Variants in KATNAL1 observed in about 807,000 individuals in gnomAD.
KATNAL1 encodes katanin p60 ATPase-containing subunit A-like 1.
A neutral mutation model predicts 55.2 loss-of-function variants in KATNAL1; 32 were observed. That is an observed-to-expected ratio of 0.58 (90% CI 0.44 to 0.78). KATNAL1 has a LOEUF of 0.78. Ranked by LOEUF, KATNAL1 falls within the 30% of genes least tolerant of loss-of-function variation. The probability of loss-of-function intolerance (pLI) is 0.00; values close to 1 mark genes in which losing one functional copy is unlikely to be tolerated. For synonymous variants in KATNAL1, 193 were observed against 193.6 expected (o/e 1.00, Z 0.02); for missense variants, 466 against 600.9 (o/e 0.78, Z 2.35).
chr13:30,283,036 G>A (rs1343261206), intron 2 of KATNAL1, among the ~76,000 whole-genome samples: 1 of 151,478 alleles, frequency 6.6e-6, no homozygotes, highest in African/African-American at 2.4e-5. Context: ...TTGGGAGGCT[G>A]AGGTGGGTGG....
intron 3 of KATNAL1, among the ~76,000 whole-genome samples, chr13:30,270,034 G>GC (rs1408524692): frequency 0.024 from 2,580 of 106,622 alleles, 30 homozygotes; most frequent in East Asian, 0.059. Flanking sequence ...GGGGGTGTCA[G>GC]CCCCCCGCCC....
intron 1 of KATNAL1, among the ~76,000 whole-genome samples, chr13:30,304,266 CTCTTTT>C (rs1883043182): frequency 6.7e-6 from 1 of 148,810 alleles, no homozygotes; most frequent in African/African-American, 2.5e-5. Flanking sequence ...ATACACACAA[CTCTTTT>C]TTTTTTTTTT....
In KATNAL1 at chr13:30,205,786, G is replaced by GTC. The variant is rs1873068025; in HGVS notation, c.*2753_*2754insGA. 7.2e-6 allele frequency: 1 copy of GTC among 139,308 alleles called. No homozygotes were observed. Among genetic ancestry groups the GTC allele is most frequent in the East Asian group, 2.0e-4 (1 of 4,922 alleles). The allele number at this position is 139,308 out of a possible 1,614,324, so 8.6% of individuals were successfully genotyped here. Reference sequence around the variant, plus strand: ...TGTGTGTGTGTGTGTGTGTGTGTGTGTGTCTCACGCCTATAAGGCAACACA... The same window carrying GTC: ...TGTGTGTGTGTGTGTGTGTGTGTGTGTCTGTCTCACGCCTATAAGGCAACACA... On this transcript the variant is annotated 3_prime_UTR_variant, in exon 11 of 11. Coordinates refer to ENST00000380615, the MANE Select transcript of KATNAL1 (RefSeq NM_032116.5).
intron 7 of KATNAL1, among the ~76,000 whole-genome samples, chr13:30,230,807 T>C (rs1290800958): frequency 3.3e-5 from 5 of 152,192 alleles, no homozygotes; most frequent in African/African-American, 9.7e-5. Flanking sequence ...AGCTGGGTGA[T>C]AGATACATAG....
At chr13:30,249,032 C>T (rs1252113710) in intron 4 of KATNAL1, among the ~76,000 whole-genome samples, 2 of 148,948 alleles carry the variant, frequency 1.3e-5, no homozygotes, top group Non-Finnish European at 3.0e-5. Flanking sequence ...GCACTCCAGC[C>T]TGGGCAACAG....
At chr13:30,287,312 T>TC (rs1881855024) in intron 1 of KATNAL1, among the ~76,000 whole-genome samples, 1 of 152,122 alleles carries the variant, frequency 6.6e-6, no homozygotes, top group African/African-American at 2.4e-5. Flanking sequence ...TGGGGGTGGT[T>TC]CCCCCATGCT....
intron 3 of KATNAL1, among the ~76,000 whole-genome samples, chr13:30,261,859 C>T (rs1879312950): frequency 6.6e-6 from 1 of 151,956 alleles, no homozygotes. Context: ...AGCTCTGCAC[C>T]AAGCGGACCT....
At chr13:30,238,772 T>C (rs1056942333) in intron 6 of KATNAL1, among the ~76,000 whole-genome samples, 1 of 152,152 alleles carries the variant, frequency 6.6e-6, no homozygotes, top group Non-Finnish European at 1.5e-5. Context: ...GTCTCATAGC[T>C]CAGGGACTAT....
chr13:30,264,604 CA>C (rs1879590506), intron 3 of KATNAL1, among the ~76,000 whole-genome samples: 1 of 150,298 alleles, frequency 6.7e-6, no homozygotes, highest in African/African-American at 2.5e-5. Flanking sequence ...TTTATGCAGC[CA>C]AACAACACAT....
chr13:30,235,571 A>G (rs1294578249), intron 6 of KATNAL1, among the ~76,000 whole-genome samples: 4 of 152,244 alleles, frequency 2.6e-5, no homozygotes, highest in African/African-American at 9.6e-5. Flanking sequence ...AAACTATAAC[A>G]GTACTATCAC....
chr13:30,266,243 C>A (rs1057208935), intron 3 of KATNAL1, among the ~76,000 whole-genome samples: 16 of 151,972 alleles, frequency 1.1e-4, no homozygotes, highest in Non-Finnish European at 2.2e-4. Flanking sequence ...CTCAAGTGAT[C>A]CGCCCACCTC....
chr13:30,255,618 GACA>G lies in KATNAL1; in HGVS notation c.324-6_324-4del, dbSNP rs2137463055. 1.2e-5 allele frequency: 13 copies of G among 1,058,510 alleles called. No individual in the cohort carries two copies. The highest frequency in any genetic ancestry group is 3.8e-5 in the East Asian group (1 of 26,496). The allele number at this position is 1,058,510 out of a possible 1,614,324, so 65.6% of individuals were successfully genotyped here. ...GACGCCTGATCTGAGGTGGAGCTCT[GACA>G]AAAAAAAAAAAAAAAAAATTAAAAT... is the stretch of plus-strand genomic sequence containing the variant. On this transcript the variant is annotated splice_polypyrimidine_tract_variant and splice_region_variant and intron_variant, in intron 3 of 10. Coordinates refer to ENST00000380615, the MANE Select transcript of KATNAL1 (RefSeq NM_032116.5).
intron 1 of KATNAL1, among the ~76,000 whole-genome samples, chr13:30,284,788 T>G (rs899560242): frequency 2.6e-5 from 4 of 152,212 alleles, no homozygotes; most frequent in African/African-American, 7.2e-5. Context: ...CCACCAAAGC[T>G]CTCCAGTCCA....
chr13:30,269,510 G>T (rs991261572), intron 3 of KATNAL1, among the ~76,000 whole-genome samples: 1 of 151,978 alleles, frequency 6.6e-6, no homozygotes, highest in African/African-American at 2.4e-5. Flanking sequence ...AGGAAGTGAG[G>T]AGCGTCTCTG....
At chr13:30,235,096 C>T (rs1876522381) in intron 6 of KATNAL1, among the ~76,000 whole-genome samples, 1 of 152,188 alleles carries the variant, frequency 6.6e-6, no homozygotes, top group South Asian at 2.1e-4. Flanking sequence ...GGCAATCATT[C>T]AATTGATCAC....
chr13:30,282,584 G>C (rs1881442107), intron 2 of KATNAL1, among the ~76,000 whole-genome samples: 1 of 151,726 alleles, frequency 6.6e-6, no homozygotes, highest in Non-Finnish European at 1.5e-5. Flanking sequence ...GCTGCAGTGA[G>C]CTGTGATGGC....
rs138328965 is a variant in KATNAL1, at chr13:30,274,891, A to ACGCG, written c.323+5168_323+5171dup. Among the ~76,000 whole-genome samples, 364 of 122,140 alleles carry ACGCG rather than the reference A, an allele frequency of 3.0e-3. 2 individuals carry two copies. Among genetic ancestry groups the ACGCG allele is most frequent in the East Asian group, 9.4e-3 (37 of 3,948 alleles). The allele number at this position is 122,140 out of a possible 152,430, so 80.1% of individuals were successfully genotyped here. On this transcript the variant is annotated intron_variant, in intron 3 of 10. Transcript: ENST00000380615. The stretch of plus-strand genomic sequence containing the variant: ...GGGGGCGGGGTGTGTGCACACACAT[A>ACGCG]CGCGCGCGCGCGCGCGCACACACAC...
intron 3 of KATNAL1, among the ~76,000 whole-genome samples, chr13:30,259,341 A>C (rs531156149): frequency 6.7e-6 from 1 of 148,154 alleles, no homozygotes; most frequent in African/African-American, 2.5e-5. Flanking sequence ...CTCCATCTCA[A>C]AGAAAAAAAA....
chr13:30,240,446 TAA>T lies in KATNAL1; in HGVS notation c.726+12_726+13del. On this transcript the variant is annotated intron_variant, in intron 6 of 10. Coordinates refer to ENST00000380615, the MANE Select transcript of KATNAL1 (RefSeq NM_032116.5). ...TAGCATTCTTATATCAAAACCAATTTAATAAATTCTCACCTTCCATGGCCTTC... is the reference window on the plus strand; with the variant it reads ...TAGCATTCTTATATCAAAACCAATTTTAAATTCTCACCTTCCATGGCCTTC... The T allele has an allele frequency of 6.4e-7, 1 of 1,561,634 alleles. No individual in the cohort carries two copies. Among genetic ancestry groups the T allele is most frequent in the Non-Finnish European group, 8.8e-7 (1 of 1,133,104 alleles).
Sources: allele counts gnomAD v4.1 joint callset (sites outside exome capture counted in the v4.1 genomes callset), GRCh38; gene constraint gnomAD v4.1.1; transcripts MANE v1.5; gene names NCBI Gene and HGNC (gene_info 2026-07-23, HGNC 2026-07-21).